The following ALCAM variants were observed in gnomAD, a reference collection of about 807,000 sequenced individuals.
ALCAM encodes CD166 antigen.
Under a neutral mutation model 70.9 loss-of-function variants are expected in ALCAM, and 30 were observed. That is an observed-to-expected ratio of 0.42 (90% CI 0.32 to 0.57). The LOEUF (loss-of-function observed/expected upper bound fraction) is 0.57. Ranked by LOEUF, ALCAM falls within the 20% of genes least tolerant of loss-of-function variation. The pLI, the probability that ALCAM is intolerant of heterozygous loss-of-function variation, is 0.11. For missense variants in ALCAM, 591 were observed against 695.1 expected (o/e 0.85, Z 1.68); for synonymous variants, 249 against 242.5 (o/e 1.03, Z -0.25).
intron 1 of ALCAM, among the ~76,000 whole-genome samples, chr3:105,496,308 A>G (rs1039325551): frequency 2.0e-4 from 28 of 141,592 alleles, no homozygotes; most frequent in African/African-American, 6.2e-4. Context: ...AATATTTTAT[A>G]TTGTGGTCTT....
At chr3:105,536,774 G>GT (rs1278738850) in intron 6 of ALCAM, among the ~76,000 whole-genome samples, 1 of 152,126 alleles carries the variant, frequency 6.6e-6, no homozygotes, top group Non-Finnish European at 1.5e-5. Context: ...ATGCAAGGTT[G>GT]TAAGGGTAAA....
At chr3:105,419,676 G>A (rs74709034) in intron 1 of ALCAM, among the ~76,000 whole-genome samples, 15,558 of 151,768 alleles carry the variant, frequency 0.1, 997 homozygotes, top group Middle Eastern at 0.17. Context: ...TAAAAATATG[G>A]CAGACTAGAA....
chr3:105,502,476 G>A (rs1281577690), intron 1 of ALCAM, among the ~76,000 whole-genome samples: 1 of 152,142 alleles, frequency 6.6e-6, no homozygotes, highest in Non-Finnish European at 1.5e-5. Context: ...GGGCATTTGA[G>A]GAGAGTACAG....
At chr3:105,447,502 C>T (rs532471908) in intron 1 of ALCAM, among the ~76,000 whole-genome samples, 1 of 152,270 alleles carries the variant, frequency 6.6e-6, no homozygotes, top group East Asian at 1.9e-4. Flanking sequence ...AGCTTGAGAC[C>T]AGCCTAGGCA....
intron 1 of ALCAM, among the ~76,000 whole-genome samples, chr3:105,492,165 G>C (rs1430179878): frequency 2.0e-5 from 3 of 152,076 alleles, no homozygotes; most frequent in African/African-American, 7.2e-5. Context: ...AGAAAAGGGG[G>C]AAGCTCCTTA....
chr3:105,442,732 G>A (rs2152584995), intron 1 of ALCAM, among the ~76,000 whole-genome samples: 1 of 151,850 alleles, frequency 6.6e-6, no homozygotes, highest in Non-Finnish European at 1.5e-5. Flanking sequence ...AGTGAGCCGA[G>A]ATCGCACCAC....
intron 1 of ALCAM, among the ~76,000 whole-genome samples, chr3:105,410,524 A>G (rs1936360547): frequency 6.6e-6 from 1 of 152,076 alleles, no homozygotes; most frequent in South Asian, 2.1e-4. Flanking sequence ...ACATATACAC[A>G]TACATGAACC....
intron 1 of ALCAM, among the ~76,000 whole-genome samples, chr3:105,375,893 CA>C (rs1935363354): frequency 1.3e-5 from 2 of 152,210 alleles, no homozygotes; most frequent in African/African-American, 4.8e-5. Context: ...AAGGGTGTGA[CA>C]ACAGCAAAGA....
chr3:105,531,268 TTA>T (rs1204467816), intron 3 of ALCAM: 7 of 152,112 alleles, frequency 4.6e-5, no homozygotes, highest in Non-Finnish European at 1.0e-4. Context: ...TTATTAAAAT[TTA>T]TGTTTCTTAG....
Position 105,571,945 on chromosome 3 carries a change from A to C in ALCAM, c.*6A>C. 6.2e-7 allele frequency: 1 copy of C among 1,604,068 alleles called. No homozygotes were observed. Among genetic ancestry groups the C allele is most frequent in the Non-Finnish European group, 8.5e-7 (1 of 1,171,522 alleles). On this transcript the variant is annotated 3_prime_UTR_variant, in exon 15 of 16. Coordinates refer to ENST00000306107, the MANE Select transcript of ALCAM (RefSeq NM_001627.4). ...ATCACAAAACTGAAGCCTAAGAGAG[A>C]AACTGTCCTAGTTGTCCAGGTGAGT...
At chr3:105,414,533 A>G (rs1366953498) in intron 1 of ALCAM, among the ~76,000 whole-genome samples, 1 of 152,158 alleles carries the variant, frequency 6.6e-6, no homozygotes. Context: ...CAAGTGACCT[A>G]GAAAGGAAGA....
chr3:105,563,736 G>C (rs1431244202), intron 14 of ALCAM, among the ~76,000 whole-genome samples: 1 of 120,108 alleles, frequency 8.3e-6, no homozygotes, highest in Non-Finnish European at 1.6e-5. Flanking sequence ...GCCGGACTGC[G>C]GACTGCAGTG....
chr3:105,523,397 A>G (rs1490357732), intron 2 of ALCAM, among the ~76,000 whole-genome samples: 1 of 152,196 alleles, frequency 6.6e-6, no homozygotes, highest in African/African-American at 2.4e-5. Context: ...TCCAATATCA[A>G]CTTAGTAATT....
At chr3:105,562,316 CT>C (rs1559657647) in intron 14 of ALCAM, among the ~76,000 whole-genome samples, 1 of 152,152 alleles carries the variant, frequency 6.6e-6, no homozygotes, top group Non-Finnish European at 1.5e-5. Flanking sequence ...GGTTGAATAA[CT>C]TTTTTACTAT....
chr3:105,382,898 TC>T (rs951854216), intron 1 of ALCAM, among the ~76,000 whole-genome samples: 1 of 151,898 alleles, frequency 6.6e-6, no homozygotes, highest in African/African-American at 2.4e-5. Context: ...TTCGGACACT[TC>T]CCAATATAGT....
At chr3:105,491,059 A>C (rs1938570917) in intron 1 of ALCAM, among the ~76,000 whole-genome samples, 2 of 152,218 alleles carry the variant, frequency 1.3e-5, no homozygotes, top group South Asian at 4.1e-4. Flanking sequence ...TCTGAAATCT[A>C]GGCAGAGGTT....
At chr3:105,520,911 A>G (rs949795857) in intron 2 of ALCAM, among the ~76,000 whole-genome samples, 1 of 152,226 alleles carries the variant, frequency 6.6e-6, no homozygotes, top group Admixed American at 6.5e-5. Flanking sequence ...TCAAGTAGAT[A>G]TGTTTCCCTG....
chr3:105,440,676 C>T (rs1229075755), intron 1 of ALCAM: 2 of 152,208 alleles, frequency 1.3e-5, no homozygotes, highest in Admixed American at 6.5e-5. Flanking sequence ...CAGTCCACCA[C>T]CTCTTGTCAC....
At chr3:105,397,152 C>T (rs1030977300) in intron 1 of ALCAM, among the ~76,000 whole-genome samples, 15 of 152,188 alleles carry the variant, frequency 9.9e-5, no homozygotes, top group African/African-American at 3.6e-4. Flanking sequence ...GAGGCCATTA[C>T]TCTGCCTTTT....
Sources: allele counts gnomAD v4.1 joint callset (sites outside exome capture counted in the v4.1 genomes callset), GRCh38; gene constraint gnomAD v4.1.1; transcripts MANE v1.5; gene names NCBI Gene and HGNC (gene_info 2026-07-23, HGNC 2026-07-21).